DGCR2: variants seen among roughly 807,000 people sequenced by gnomAD.
DGCR2 encodes integral membrane protein DGCR2/IDD.
Under a neutral mutation model 51.6 loss-of-function variants are expected in DGCR2, and 24 were observed. The observed-to-expected ratio is 0.47, with a 90% CI of 0.34 to 0.65. The LOEUF is 0.65. Among genes scored for constraint, DGCR2 ranks in the 30% least tolerant of loss-of-function variants. The pLI is 0.01. For synonymous variants in DGCR2, 340 were observed against 315.4 expected, an observed-to-expected ratio of 1.08 and a Z score of -0.82; for missense variants, 765 against 772.1, an observed-to-expected ratio of 0.99 and a Z score of 0.11.
chr22:19,097,262 T>A (rs897162101), intron 1 of DGCR2, among the ~76,000 whole-genome samples: 1 of 152,078 alleles, frequency 6.6e-6, no homozygotes. Flanking sequence ...TATATAGATA[T>A]GTAAGTGAAA....
intron 6 of DGCR2, among the ~76,000 whole-genome samples, chr22:19,055,539 C>T (rs2082591707): frequency 6.6e-6 from 1 of 151,796 alleles, no homozygotes; most frequent in African/African-American, 2.4e-5. Flanking sequence ...AACCACATCT[C>T]TAATAAATGT....
chr22:19,084,592 C>G (rs1362868904), intron 2 of DGCR2, among the ~76,000 whole-genome samples: 1 of 129,190 alleles, frequency 7.7e-6, no homozygotes. Context: ...AGTGAGGAGC[C>G]CCTCCGCCCG....
chr22:19,067,550 G>A (rs956595835), intron 3 of DGCR2, among the ~76,000 whole-genome samples: 10 of 152,042 alleles, frequency 6.6e-5, no homozygotes, highest in Admixed American at 5.2e-4. Flanking sequence ...AAAATTAGCC[G>A]GGCGTGATGG....
intron 2 of DGCR2, among the ~76,000 whole-genome samples, chr22:19,084,917 A>G (rs2082997205): frequency 6.6e-6 from 1 of 150,718 alleles, no homozygotes; most frequent in Non-Finnish European, 1.5e-5. Context: ...CCACCACCCC[A>G]TCTGGGAGGT....
intron 4 of DGCR2, among the ~76,000 whole-genome samples, chr22:19,063,660 CT>C (rs1270919771): frequency 2.0e-5 from 3 of 151,992 alleles, no homozygotes; most frequent in Non-Finnish European, 2.9e-5. Flanking sequence ...CAACACTGAG[CT>C]TCTAACATGA....
chr22:19,065,278 G>A lies in DGCR2; in HGVS notation c.329-211C>T, dbSNP rs2082735856. 6 of 574,524 alleles carry A rather than the reference G, an allele frequency of 1.0e-5. 1 individual carries two copies. The South Asian group carries it at 1.2e-4, about 12-fold the overall frequency. 35.6% of individuals were successfully genotyped at this position (574,524 alleles called of 1,614,324 possible). A position where few individuals can be genotyped will look rare whatever the true frequency, so the allele number is the denominator to read the frequency against. On this transcript the variant is annotated intron_variant, in intron 3 of 9. Coordinates refer to ENST00000263196, the MANE Select transcript of DGCR2 (RefSeq NM_005137.3). ...CAGATTCAATGATACAAGTACATTC[G>A]GTGACTCTTCCCATTTCTATAAGAT... is the stretch of plus-strand genomic sequence containing the variant.
At chr22:19,077,729 T>C (rs117510317) in intron 2 of DGCR2, among the ~76,000 whole-genome samples, 2,075 of 152,306 alleles carry the variant, frequency 0.014, 26 homozygotes, top group Non-Finnish European at 0.022. Context: ...AAAAAACTTG[T>C]TGGCATTTTA....
intron 4 of DGCR2, among the ~76,000 whole-genome samples, chr22:19,064,621 A>G (rs917936477): frequency 6.6e-6 from 1 of 152,180 alleles, no homozygotes. Flanking sequence ...CCACAGTCCC[A>G]CAAAGTAGCA....
intron 2 of DGCR2, among the ~76,000 whole-genome samples, chr22:19,087,112 C>G (rs568195011): frequency 6.6e-6 from 1 of 152,314 alleles, no homozygotes; most frequent in East Asian, 1.9e-4. Flanking sequence ...CAAGGGGAGG[C>G]TCCCACTCAT....
At chr22:19,118,374 C>CAAAAAAAAAA (rs923572855) in intron 1 of DGCR2, among the ~76,000 whole-genome samples, 7 of 56,756 alleles carry the variant, frequency 1.2e-4, no homozygotes, top group Non-Finnish European at 1.9e-4. Context: ...CCATCGCAAA[C>CAAAAAAAAAA]AAAAAAAAAA....
chr22:19,122,260 T>A lies in DGCR2; in HGVS notation c.-54A>T. The A allele has an allele frequency of 7.3e-7, 1 of 1,379,280 alleles. No individual in the cohort carries two copies. The highest frequency in any genetic ancestry group is 9.7e-7 in the Non-Finnish European group (1 of 1,035,464). 85.4% of individuals were successfully genotyped at this position (1,379,280 alleles called of 1,614,324 possible). ...GCTGGAAGGCCGGACCAGGCCGGAC[T>A]GAGGGTCAGGGGACCGTGCCAAGCG... On this transcript the variant is annotated 5_prime_UTR_variant, in exon 1 of 10. Transcript: ENST00000263196.
intron 2 of DGCR2, among the ~76,000 whole-genome samples, chr22:19,073,319 C>A (rs1405757331): frequency 6.6e-6 from 1 of 151,972 alleles, no homozygotes; most frequent in Non-Finnish European, 1.5e-5. Context: ...AAAGATTTGG[C>A]AGAAGTTATA....
intron 2 of DGCR2, among the ~76,000 whole-genome samples, chr22:19,078,917 C>T (rs2082907739): frequency 6.6e-6 from 1 of 152,098 alleles, no homozygotes; most frequent in Non-Finnish European, 1.5e-5. Context: ...CTTCTTTAAA[C>T]GTTTGGAGAA....
intron 1 of DGCR2, among the ~76,000 whole-genome samples, chr22:19,096,756 C>A (rs1370851407): frequency 1.3e-5 from 2 of 151,886 alleles, no homozygotes; most frequent in African/African-American, 4.8e-5. Context: ...GTTGCCCAGG[C>A]CAGAGTGCAG....
intron 2 of DGCR2, among the ~76,000 whole-genome samples, chr22:19,081,189 T>C (rs1317986944): frequency 6.6e-6 from 1 of 152,244 alleles, no homozygotes; most frequent in African/African-American, 2.4e-5. Flanking sequence ...CATGTAAGAT[T>C]CATAAGCCTA....
intron 1 of DGCR2, among the ~76,000 whole-genome samples, chr22:19,096,625 G>GAA (rs1569079964): frequency 1.9e-4 from 1 of 5,162 alleles, no homozygotes; most frequent in Non-Finnish European, 3.9e-4. Context: ...GACTAATGCA[G>GAA]GAAAAAGGAA....
intron 1 of DGCR2, among the ~76,000 whole-genome samples, chr22:19,120,427 G>C (rs1296007162): frequency 1.3e-5 from 2 of 152,162 alleles, no homozygotes; most frequent in Admixed American, 1.3e-4. Context: ...CCTGGCCTCT[G>C]TTCCACATCA....
chr22:19,068,102 C>T lies in DGCR2; in HGVS notation c.326G>A (p.Ser109Asn). Reference sequence around the variant, plus strand: ...GTCAGGGCAGGTCTGCAACTTACTGCTGAAGCGAACGGGCTGCGCCACGTT... The same window carrying T: ...GTCAGGGCAGGTCTGCAACTTACTGTTGAAGCGAACGGGCTGCGCCACGTT... ...AVNVAQPVRF[S>N]SFLGKCPTGW... is the part of the protein sequence containing the mutation. Residue 109 changes from serine (S) to asparagine (N), a missense_variant and splice_region_variant, in exon 3 of 10, where the codon AGC becomes AAC. By Grantham distance (46) the Ser-to-Asn change is conservative. Transcript: ENST00000263196. 1 of 1,579,504 alleles carries T rather than the reference C, an allele frequency of 6.3e-7. No individual in the cohort carries two copies. The highest frequency in any genetic ancestry group is 8.6e-7 in the Non-Finnish European group (1 of 1,164,612).
chr22:19,055,956 C>CT (rs1219506793), intron 6 of DGCR2: 1 of 157,316 alleles, frequency 6.4e-6, no homozygotes, highest in Non-Finnish European at 1.4e-5. Flanking sequence ...GACCCGGCAG[C>CT]TGATGGCAAA....
Sources: gnomAD v4.1 joint callset for allele counts (sites outside exome capture counted in the v4.1 genomes callset) on GRCh38, gnomAD v4.1.1 for gene constraint, MANE v1.5 for transcripts, NCBI Gene and HGNC (gene_info 2026-07-23, HGNC 2026-07-21) for gene names.